The following C13orf42 variants were observed in gnomAD, a reference collection of about 807,000 sequenced individuals.
C13orf42 encodes uncharacterized protein C13orf42.
chr13:51,117,428 C>T (rs1215367667), intron 1 of C13orf42, among the ~76,000 whole-genome samples: 4 of 152,176 alleles, frequency 2.6e-5, no homozygotes, highest in Non-Finnish European at 4.4e-5. Flanking sequence ...TGAGCCTTAT[C>T]TTTAATCATT....
At chr13:51,130,862 A>AAAAT (rs1555267618) in intron 1 of C13orf42, among the ~76,000 whole-genome samples, 3 of 148,172 alleles carry the variant, frequency 2.0e-5, no homozygotes, top group African/African-American at 7.4e-5. Flanking sequence ...GTAAAAAAAA[A>AAAAT]ATATATATAT....
intron 1 of C13orf42, among the ~76,000 whole-genome samples, chr13:51,139,152 A>T (rs1294066139): frequency 2.0e-5 from 3 of 152,104 alleles, no homozygotes; most frequent in Non-Finnish European, 2.9e-5. Context: ...CCCCGTCTCT[A>T]CTAAAAACAC....
At chr13:51,108,307 C>T (rs184629731) in intron 1 of C13orf42, among the ~76,000 whole-genome samples, 85 of 152,324 alleles carry the variant, frequency 5.6e-4, no homozygotes, top group Middle Eastern at 3.4e-3. Context: ...TACAGTTCAA[C>T]TCATAGTAGG....
At chr13:51,103,374 C>T (rs1235604840) in intron 1 of C13orf42, among the ~76,000 whole-genome samples, 2 of 152,142 alleles carry the variant, frequency 1.3e-5, no homozygotes, top group African/African-American at 4.8e-5. Context: ...CTCTTCACCT[C>T]CCATTGAAAC....
chr13:51,158,711 G>A lies in C13orf42; in HGVS notation n.136+13542C>T, dbSNP rs553263021. 3.3e-5 allele frequency among the ~76,000 whole-genome samples: 5 copies of A among 152,300 alleles called. No homozygotes were observed. In the East Asian group the frequency reaches 9.7e-4, roughly 29 times the overall value. ...GTCAACCGATGGATCTGAACGACTC[G>A]CAGTAACCCATCAATTCAGTGAAAC... On this transcript the variant is annotated intron_variant and non_coding_transcript_variant, in intron 1 of 4. Transcript: ENST00000433280.
intron 1 of C13orf42, among the ~76,000 whole-genome samples, chr13:51,158,613 C>T (rs1383014296): frequency 1.3e-5 from 2 of 152,174 alleles, no homozygotes; most frequent in Non-Finnish European, 2.9e-5. Flanking sequence ...CTTTGTAGGC[C>T]TTCCAGCAGG....
chr13:51,116,650 T>C (rs1953494764), intron 1 of C13orf42, among the ~76,000 whole-genome samples: 1 of 152,268 alleles, frequency 6.6e-6, no homozygotes, highest in Non-Finnish European at 1.5e-5. Flanking sequence ...AAGTAGGAGC[T>C]CCATGTGATT....
intron 2 of C13orf42, among the ~76,000 whole-genome samples, chr13:51,086,123 G>A (rs187161636): frequency 1.8e-4 from 27 of 152,110 alleles, no homozygotes; most frequent in African/African-American, 5.8e-4. Flanking sequence ...TGGCTAACAC[G>A]GTGAAACCCC....
intron 1 of C13orf42, among the ~76,000 whole-genome samples, chr13:51,122,490 C>T (rs1423255519): frequency 2.0e-5 from 3 of 148,632 alleles, no homozygotes; most frequent in Non-Finnish European, 1.5e-5. Context: ...ACCAAGATTG[C>T]GCCACTGCAC....
At chr13:51,091,915 G>A (rs1953184075) in intron 1 of C13orf42, among the ~76,000 whole-genome samples, 1 of 152,130 alleles carries the variant, frequency 6.6e-6, no homozygotes, top group Non-Finnish European at 1.5e-5. Context: ...CTGGGTTAAG[G>A]GGCCCAGACT....
intron 1 of C13orf42, among the ~76,000 whole-genome samples, chr13:51,141,563 G>A (rs1953696330): frequency 6.6e-6 from 1 of 152,084 alleles, no homozygotes; most frequent in South Asian, 2.1e-4. Flanking sequence ...ACTTTGGGAG[G>A]CTGAGGTGGG....
At chr13:51,107,244 G>A (rs369885491) in intron 1 of C13orf42, among the ~76,000 whole-genome samples, 2 of 152,168 alleles carry the variant, frequency 1.3e-5, no homozygotes, top group Non-Finnish European at 2.9e-5. Context: ...TCATTCCAGA[G>A]CATGAAAGCC....
At chr13:51,089,066 T>TA (rs2137976856) in intron 1 of C13orf42, among the ~76,000 whole-genome samples, 1 of 152,332 alleles carries the variant, frequency 6.6e-6, no homozygotes, top group South Asian at 2.1e-4. Flanking sequence ...ACAGATGTGT[T>TA]AACATGGGCA....
intron 1 of C13orf42, among the ~76,000 whole-genome samples, chr13:51,106,739 G>A (rs1036790628): frequency 6.6e-5 from 10 of 152,128 alleles, no homozygotes; most frequent in African/African-American, 2.4e-4. Context: ...AGAGCAGGAG[G>A]AGGCTTGTCC....
chr13:51,118,858 C>T (rs772020482), intron 1 of C13orf42, among the ~76,000 whole-genome samples: 49 of 152,110 alleles, frequency 3.2e-4, no homozygotes, highest in Non-Finnish European at 6.2e-4. Context: ...GTATAGTATG[C>T]CCAGGAATAC....
intron 1 of C13orf42, among the ~76,000 whole-genome samples, chr13:51,107,838 T>A (rs1953376991): frequency 6.6e-6 from 1 of 152,176 alleles, no homozygotes; most frequent in African/African-American, 2.4e-5. Flanking sequence ...CACAGTAGGA[T>A]GTGATGAAAG....
intron 1 of C13orf42, among the ~76,000 whole-genome samples, chr13:51,168,304 G>A (rs1953917641): frequency 6.6e-6 from 1 of 152,184 alleles, no homozygotes; most frequent in African/African-American, 2.4e-5. Context: ...CTCACTGTCT[G>A]GTAAAGTCTT....
At chr13:51,099,045 C>A (rs1953261822) in intron 1 of C13orf42, among the ~76,000 whole-genome samples, 1 of 152,060 alleles carries the variant, frequency 6.6e-6, no homozygotes, top group Non-Finnish European at 1.5e-5. Context: ...GCAAAACAAG[C>A]CAAATTTACC....
At chr13:51,147,756 G>C (rs1165232141) in intron 1 of C13orf42, among the ~76,000 whole-genome samples, 1 of 84,516 alleles carries the variant, frequency 1.2e-5, no homozygotes, top group East Asian at 2.8e-4. Flanking sequence ...GGGTGGATTT[G>C]GTCCAGGTCT....
Sources: gnomAD v4.1 joint callset for allele counts (sites outside exome capture counted in the v4.1 genomes callset) on GRCh38, gnomAD v4.1.1 for gene constraint, MANE v1.5 for transcripts, NCBI Gene and HGNC (gene_info 2026-07-23, HGNC 2026-07-21) for gene names.